The following OTOGL variants were observed in gnomAD, a reference collection of about 807,000 sequenced individuals.
OTOGL encodes otogelin like.
In OTOGL, 285 loss-of-function variants were observed where a neutral mutation model predicts 318.5. That is an observed-to-expected ratio of 0.89 (90% CI 0.81 to 0.99). The LOEUF (loss-of-function observed/expected upper bound fraction) is 0.99, where lower values mean the gene tolerates loss of function less well. Among genes scored for constraint, OTOGL ranks in the 50% least tolerant of loss-of-function variants. The pLI, the probability that OTOGL is intolerant of heterozygous loss-of-function variation, is 0.00. For missense variants in OTOGL, 2,899 were observed against 2,845.6 expected (o/e 1.02, Z -0.43); for synonymous variants, 987 against 936.5 (o/e 1.05, Z -0.99).
chr12:80,112,450 T>G (rs566529490), intron 1 of OTOGL, among the ~76,000 whole-genome samples: 2 of 152,336 alleles, frequency 1.3e-5, no homozygotes, highest in East Asian at 3.9e-4. Context: ...GTTTTTAGCA[T>G]GAAGGGGTGT....
intron 46 of OTOGL, among the ~76,000 whole-genome samples, chr12:80,354,541 G>A (rs770035548): frequency 6.6e-6 from 1 of 152,096 alleles, no homozygotes; most frequent in Non-Finnish European, 1.5e-5. Context: ...GTGCAAAATT[G>A]AGATGATTGC....
At chr12:80,217,557 A>G (rs1415796303) in intron 4 of OTOGL, 41 bp from the exon 5 acceptor site, 8 of 1,344,100 alleles carry the variant, frequency 6.0e-6, no homozygotes, top group Non-Finnish European at 8.2e-6. Context: ...CTTGAATTAA[A>G]TAATTTAACT....
chr12:80,255,191 A>G lies in OTOGL; in HGVS notation c.1587+6A>G. ...AGAAAGCTCCCTGTGAGCAGGTAAG[A>G]ACATTTCAAAATGACCAGAGGAATA... On this transcript the variant is annotated splice_donor_region_variant and intron_variant, in intron 16 of 58. Transcript: ENST00000547103. The G allele has an allele frequency of 6.9e-7, 1 of 1,449,440 alleles. No individual in the cohort carries two copies. Among genetic ancestry groups the G allele is most frequent in the Non-Finnish European group, 9.1e-7 (1 of 1,102,900 alleles). 89.8% of individuals were successfully genotyped at this position (1,449,440 alleles called of 1,614,324 possible).
chr12:80,315,474 T>C (rs1343988011), intron 32 of OTOGL, among the ~76,000 whole-genome samples: 1 of 152,168 alleles, frequency 6.6e-6, no homozygotes, highest in Non-Finnish European at 1.5e-5. Flanking sequence ...AATTGGAGTC[T>C]TTTTGCAAAT....
chr12:80,356,454 T>C lies in OTOGL; in HGVS notation c.5845T>C (p.Cys1949Arg). 6.2e-7 allele frequency: 1 copy of C among 1,612,286 alleles called. No individual in the cohort carries two copies. The highest frequency in any genetic ancestry group is 8.5e-7 in the Non-Finnish European group (1 of 1,179,166). Reference sequence around the variant, plus strand: ...TTTGTGTGAAACTAGCATTCCAACATGTACAAATAGTCAAAAATTGATTGT... The same window carrying C: ...TTTGTGTGAAACTAGCATTCCAACACGTACAAATAGTCAAAAATTGATTGT... ...TTLCETSIPT[C>R]TNSQKLIVGH... Residue 1949 changes from cysteine (C) to arginine (R), a missense_variant, in exon 48 of 59, where the codon TGT (cysteine) becomes CGT (arginine). By Grantham distance (180) the Cys-to-Arg change is radical. Transcript: ENST00000547103.
intron 30 of OTOGL, among the ~76,000 whole-genome samples, chr12:80,312,446 T>A (rs2137797426): frequency 6.6e-6 from 1 of 152,378 alleles, no homozygotes; most frequent in African/African-American, 2.4e-5. Flanking sequence ...TTGTTATTTT[T>A]AAATGTCTCA....
At chr12:80,178,320 C>T (rs1343424374) in intron 1 of OTOGL, among the ~76,000 whole-genome samples, 1 of 152,080 alleles carries the variant, frequency 6.6e-6, no homozygotes, top group African/African-American at 2.4e-5. Flanking sequence ...CTCGACCTCC[C>T]AAAGTGCTGG....
At chr12:80,144,967 G>A (rs1458367584) in intron 1 of OTOGL, among the ~76,000 whole-genome samples, 3 of 151,334 alleles carry the variant, frequency 2.0e-5, no homozygotes, top group Admixed American at 6.6e-5. Flanking sequence ...CCCTTTGTCA[G>A]ATGAGTAGGT....
chr12:80,214,628 G>A (rs17006508), intron 4 of OTOGL, among the ~76,000 whole-genome samples: 7,811 of 152,144 alleles, frequency 0.051, 491 homozygotes, highest in East Asian at 0.18. Context: ...ACCCTTGGGA[G>A]ACAGATTCCC....
At chr12:80,241,745 G>T (rs1565922259) in intron 11 of OTOGL, among the ~76,000 whole-genome samples, 1 of 152,060 alleles carries the variant, frequency 6.6e-6, no homozygotes, top group Non-Finnish European at 1.5e-5. Flanking sequence ...AAATTAAATG[G>T]AATGTTTATA....
At position 80,229,314 on chromosome 12, in the gene OTOGL, T is replaced by C; in HGVS notation, c.547T>C (p.Leu183=). 6.3e-7 allele frequency: 1 copy of C among 1,596,180 alleles called. No individual in the cohort carries two copies. Among genetic ancestry groups the C allele is most frequent in the Non-Finnish European group, 8.5e-7 (1 of 1,176,830 alleles). ...SVYSCYRSIS[L]FFSNQEEIRI... The stretch of plus-strand genomic sequence containing the variant: ...GTATTCTTGTTATCGGTCAATCAGC[T>C]TGTTCTTTTCAAACCAAGAGGAAAT... Residue 183 remains leucine, a synonymous_variant, in exon 8 of 59, where the codon TTG becomes CTG. Transcript: ENST00000547103.
chr12:80,157,432 A>G (rs995818882), intron 1 of OTOGL, among the ~76,000 whole-genome samples: 2 of 151,982 alleles, frequency 1.3e-5, no homozygotes, highest in Non-Finnish European at 2.9e-5. Context: ...TTAACTCGAG[A>G]TGATCCCATT....
intron 1 of OTOGL, among the ~76,000 whole-genome samples, chr12:80,149,420 C>T (rs1275600494): frequency 6.6e-6 from 1 of 152,212 alleles, no homozygotes; most frequent in Non-Finnish European, 1.5e-5. Context: ...AGGCAGTCTG[C>T]CCGTTCTCAG....
At chr12:80,332,598 G>A (rs1173360192) in intron 37 of OTOGL, among the ~76,000 whole-genome samples, 1 of 152,136 alleles carries the variant, frequency 6.6e-6, no homozygotes, top group Non-Finnish European at 1.5e-5. Context: ...CCAAAATCAA[G>A]GGGTCAGCCT....
intron 1 of OTOGL, among the ~76,000 whole-genome samples, chr12:80,150,483 A>T (rs372218049): frequency 6.6e-6 from 1 of 152,228 alleles, no homozygotes; most frequent in African/African-American, 2.4e-5. Context: ...CATCGCATTT[A>T]TCTTTTATCT....
chr12:80,320,378 G>A (rs774819182), intron 33 of OTOGL, 44 bp from the exon 34 acceptor site: 9 of 1,524,764 alleles, frequency 5.9e-6, no homozygotes, highest in Non-Finnish European at 8.0e-6. Context: ...CAATGTTGAT[G>A]ATCTTCCTTC....
At chr12:80,307,339 G>C (rs9705976) in intron 29 of OTOGL, among the ~76,000 whole-genome samples, 82,975 of 150,236 alleles carry the variant, frequency 0.55, 25,794 homozygotes, top group East Asian at 0.9. Flanking sequence ...TCCCAGACGG[G>C]GTGGTGGCCG....
chr12:80,237,298 A>G (rs1163909610), intron 9 of OTOGL, among the ~76,000 whole-genome samples: 1 of 152,202 alleles, frequency 6.6e-6, no homozygotes, highest in African/African-American at 2.4e-5. Flanking sequence ...TTGTAATGGA[A>G]AATAAAATAA....
chr12:80,275,576 G>T (rs1440656586), intron 24 of OTOGL, among the ~76,000 whole-genome samples: 1 of 151,918 alleles, frequency 6.6e-6, no homozygotes, highest in East Asian at 1.9e-4. Context: ...CAGTGGTAGG[G>T]TTTAAGACGA....
Sources: gnomAD v4.1 joint callset for allele counts (sites outside exome capture counted in the v4.1 genomes callset) on GRCh38, gnomAD v4.1.1 for gene constraint, MANE v1.5 for transcripts, NCBI Gene and HGNC (gene_info 2026-07-23, HGNC 2026-07-21) for gene names.